Variants in MYRIP observed in about 807,000 individuals in gnomAD.
The protein encoded by MYRIP is myosin VIIA and Rab interacting protein, also known as rab effector MyRIP.
Under a neutral mutation model 98.0 loss-of-function variants are expected in MYRIP, and 49 were observed. That is an observed-to-expected ratio of 0.50 (90% confidence interval 0.40 to 0.63). MYRIP has a LOEUF of 0.63. Ranked by LOEUF, MYRIP falls within the 30% of genes least tolerant of loss-of-function variation. The pLI is 0.00. For synonymous variants in MYRIP, 404 were observed against 409.5 expected (o/e 0.99, Z 0.16); for missense variants, 1,004 against 1,058.2 (o/e 0.95, Z 0.71).
chr3:39,810,751 C>G (rs192363017), intron 1 of MYRIP: 1 of 152,370 alleles, frequency 6.6e-6, no homozygotes, highest in Non-Finnish European at 1.5e-5. Flanking sequence ...TCCTGCTCCT[C>G]TTTTCTTTTG....
intron 2 of MYRIP, among the ~76,000 whole-genome samples, chr3:39,930,068 A>G (rs1944502051): frequency 2.6e-5 from 4 of 152,080 alleles, no homozygotes; most frequent in African/African-American, 9.7e-5. Flanking sequence ...TCTTGGGTAT[A>G]TACTGAAGAG....
chr3:39,930,743 G>A (rs759423595), intron 2 of MYRIP, among the ~76,000 whole-genome samples: 1 of 151,844 alleles, frequency 6.6e-6, no homozygotes, highest in Non-Finnish European at 1.5e-5. Context: ...TTTTGCATGT[G>A]GATGTCCAGT....
intron 3 of MYRIP, among the ~76,000 whole-genome samples, chr3:40,107,687 G>A (rs1271745097): frequency 6.6e-6 from 1 of 152,158 alleles, no homozygotes. Context: ...CTAACTGAAA[G>A]CATCAAGGCC....
chr3:40,215,234 G>C (rs1288879270), intron 11 of MYRIP, among the ~76,000 whole-genome samples: 2 of 151,992 alleles, frequency 1.3e-5, no homozygotes, highest in African/African-American at 4.8e-5. Flanking sequence ...TTTCACAAGG[G>C]AGTCAACAAC....
chr3:40,121,113 G>C (rs1241571716), intron 3 of MYRIP, among the ~76,000 whole-genome samples: 3 of 152,104 alleles, frequency 2.0e-5, no homozygotes, highest in Non-Finnish European at 4.4e-5. Flanking sequence ...CCCCTTGAGA[G>C]CCAGATAGAG....
At chr3:40,004,319 C>T (rs757807683) in intron 2 of MYRIP, among the ~76,000 whole-genome samples, 1 of 152,110 alleles carries the variant, frequency 6.6e-6, no homozygotes, top group African/African-American at 2.4e-5. Flanking sequence ...GAAGGGTTTC[C>T]ACCCTCTGCT....
intron 2 of MYRIP, among the ~76,000 whole-genome samples, chr3:39,996,705 T>C (rs540611316): frequency 2.0e-5 from 3 of 152,256 alleles, no homozygotes; most frequent in South Asian, 2.1e-4. Flanking sequence ...TACAGAACTC[T>C]CCACCTCAAA....
At chr3:40,168,625 C>A (rs560530313) in intron 7 of MYRIP, among the ~76,000 whole-genome samples, 1 of 152,342 alleles carries the variant, frequency 6.6e-6, no homozygotes, top group East Asian at 1.9e-4. Flanking sequence ...TGGGTTGGGA[C>A]AAAGTCAGGT....
intron 10 of MYRIP, 147 bp downstream of exon 10, chr3:40,190,610 C>A: frequency 7.6e-7 from 1 of 1,321,572 alleles, no homozygotes; most frequent in Non-Finnish European, 1.0e-6. Flanking sequence ...CTGAGTGCCT[C>A]TAGACAGGTC....
intron 1 of MYRIP, among the ~76,000 whole-genome samples, chr3:39,816,549 C>A (rs922620127): frequency 3.3e-5 from 5 of 152,110 alleles, no homozygotes; most frequent in Non-Finnish European, 5.9e-5. Flanking sequence ...CAGTGCCTGG[C>A]ACTTAAGTCT....
At chr3:40,164,837 A>G (rs775036803) in intron 5 of MYRIP, among the ~76,000 whole-genome samples, 12 of 152,100 alleles carry the variant, frequency 7.9e-5, no homozygotes, top group Non-Finnish European at 1.6e-4. Flanking sequence ...CCAGGTGCCT[A>G]CCTTCCAGGG....
Position 40,018,901 on chromosome 3 carries a change from C to A in MYRIP, c.111-25149C>A, listed in dbSNP as rs533507255. Among the ~76,000 whole-genome samples the A allele has an allele frequency of 3.3e-5, 5 of 152,240 alleles. No individual in the cohort carries two copies. The South Asian group carries it at 1.0e-3, about 32-fold the overall frequency. On this transcript the variant is annotated intron_variant, in intron 2 of 16. Coordinates refer to ENST00000302541, the MANE Select transcript of MYRIP (RefSeq NM_015460.4). ...ATCTAACAGCCCATACCAGAAACCC[C>A]ACTTCCATCCCCAGCTTCTCACTAC...
intron 1 of MYRIP, among the ~76,000 whole-genome samples, chr3:39,873,166 C>A (rs1434033244): frequency 6.6e-6 from 1 of 152,126 alleles, no homozygotes; most frequent in Non-Finnish European, 1.5e-5. Flanking sequence ...ATGTCTTTTG[C>A]CCACTTTTTG....
At position 40,250,516 on chromosome 3, in the gene MYRIP, C is replaced by T. The variant is rs1262245548; in HGVS notation, c.2428+17C>T. ...CGGTGAAAGGTATGCTAAATTAAAA[C>T]CACAAAGCTACCAAAAAATTAAGCC... On this transcript the variant is annotated intron_variant, in intron 15 of 16. Coordinates refer to ENST00000302541, the MANE Select transcript of MYRIP (RefSeq NM_015460.4). 2 of 1,613,914 alleles carry T rather than the reference C, an allele frequency of 1.2e-6. No individual in the cohort carries two copies. The highest frequency in any genetic ancestry group is 2.2e-5 in the South Asian group (2 of 91,042).
Position 40,209,948 on chromosome 3 carries a change from T to A in MYRIP, c.1760T>A (p.Leu587Gln). ...ACAGAGGAGAAACGGAGAAACAGGC[T>A]GTACGAGTTAGCAATGAAAATGAGT... ...DTTEEKRRNR[L>Q]YELAMKMSEK... Residue 587 changes from leucine (L) to glutamine (Q), a missense_variant, in exon 11 of 17, where the codon CTG becomes CAG. Coordinates refer to ENST00000302541, the MANE Select transcript of MYRIP (RefSeq NM_015460.4). The A allele has an allele frequency of 6.2e-7, 1 of 1,614,004 alleles. No individual in the cohort carries two copies. Among genetic ancestry groups the A allele is most frequent in the Non-Finnish European group, 8.5e-7 (1 of 1,179,938 alleles).
At chr3:40,247,163 TA>T (rs1953232608) in intron 13 of MYRIP, among the ~76,000 whole-genome samples, 1 of 152,208 alleles carries the variant, frequency 6.6e-6, no homozygotes, top group Admixed American at 6.5e-5. Context: ...ATTGGATAGT[TA>T]TTCCCCCTTC....
chr3:40,034,304 A>C (rs574486399), intron 2 of MYRIP, among the ~76,000 whole-genome samples: 5 of 152,302 alleles, frequency 3.3e-5, no homozygotes, highest in Admixed American at 3.3e-4. Context: ...AATGGGAGAA[A>C]ATTTTTGCAA....
intron 3 of MYRIP, among the ~76,000 whole-genome samples, chr3:40,093,236 T>A (rs1318607739): frequency 1.3e-5 from 2 of 152,204 alleles, no homozygotes; most frequent in Non-Finnish European, 2.9e-5. Context: ...CCACCTTATG[T>A]ACAGTCCAGT....
intron 11 of MYRIP, among the ~76,000 whole-genome samples, chr3:40,218,637 TATATATA>T (rs1952227707): frequency 2.3e-5 from 1 of 43,736 alleles, no homozygotes; most frequent in Non-Finnish European, 6.4e-5. Flanking sequence ...TATATATATA[TATATATA>T]TATATATATA....
Sources: allele counts gnomAD v4.1 joint callset (sites outside exome capture counted in the v4.1 genomes callset), GRCh38; gene constraint gnomAD v4.1.1; transcripts MANE v1.5; gene names NCBI Gene and HGNC (gene_info 2026-07-23, HGNC 2026-07-21).